The following GPR78 variants were observed in gnomAD, a reference collection of about 807,000 sequenced individuals.
The protein encoded by GPR78 is G protein-coupled receptor 78.
In GPR78, 29 loss-of-function variants were observed where a neutral mutation model predicts 17.9. That is an observed-to-expected ratio of 1.62 (90% CI 1.20 to 2.21). The LOEUF (loss-of-function observed/expected upper bound fraction) is 2.21. Among genes scored for constraint, GPR78 ranks in the 30% most tolerant of loss-of-function variants. The pLI, the probability that GPR78 is intolerant of heterozygous loss-of-function variation, is 0.00. For missense variants in GPR78, 649 were observed against 530.5 expected (o/e 1.22, Z -2.19); for synonymous variants, 349 against 256.9 (o/e 1.36, Z -3.43).
chr4:8,582,788 G>A (rs562973164), intron 2 of GPR78, 144 bp downstream of exon 2: 5 of 629,988 alleles, frequency 7.9e-6, no homozygotes, highest in Non-Finnish European at 1.4e-5. Flanking sequence ...CGGGCTCAGG[G>A]CTGTGCTTCA....
At position 8,581,279 on chromosome 4, in the gene GPR78, G is replaced by T; in HGVS notation, c.297G>T (p.Ala99=). ...LASNAALSVA[A]LSADQWLAVG... ...CCAACGCGGCGCTGAGCGTGGCGGC[G>T]CTGAGCGCAGACCAGTGGCTGGCAG... Residue 99 remains alanine, a synonymous_variant, in exon 1 of 3, where the codon GCG becomes GCT. Coordinates refer to ENST00000382487, the MANE Select transcript of GPR78 (RefSeq NM_080819.5). 4.4e-6 allele frequency: 7 copies of T among 1,588,362 alleles called. No individual in the cohort carries two copies. The highest frequency in any genetic ancestry group is 6.0e-6 in the Non-Finnish European group (7 of 1,173,118).
chr4:8,588,491 GGT>G lies in GPR78; in HGVS notation c.*1138_*1139del, dbSNP rs1256222895. Among the ~76,000 whole-genome samples the G allele has an allele frequency of 1.3e-5, 2 of 152,204 alleles. No homozygotes were observed. Among genetic ancestry groups the G allele is most frequent in the African/African-American group, 4.8e-5 (2 of 41,460 alleles). On this transcript the variant is annotated 3_prime_UTR_variant, in exon 3 of 3. Coordinates refer to ENST00000382487, the MANE Select transcript of GPR78 (RefSeq NM_080819.5). The stretch of plus-strand genomic sequence containing the variant: ...AGTGCACACGGGCACCCGGTGGAGA[GGT>G]GTGTGTGTGAATGAGTGAGCGAGTG...
rs9994665 is a variant in GPR78 at position 8,588,552 on chromosome 4, T to C, written c.*1189T>C. Among the ~76,000 whole-genome samples the C allele has an allele frequency of 0.068, 10,341 of 152,288 alleles. 694 individuals are homozygous for C. Among genetic ancestry groups the C allele is most frequent in the African/African-American group, 0.18 (7,300 of 41,538 alleles). On this transcript the variant is annotated 3_prime_UTR_variant, in exon 3 of 3. Coordinates refer to ENST00000382487, the MANE Select transcript of GPR78 (RefSeq NM_080819.5). ...GACACGATTCTCTCTTCAGCCTCTG[T>C]CATTGCTGTTTTCTTCAAGGCCCAG...
intron 2 of GPR78, among the ~76,000 whole-genome samples, chr4:8,585,315 C>G (rs1305068982): frequency 1.3e-5 from 2 of 152,186 alleles, no homozygotes; most frequent in Admixed American, 6.5e-5. Flanking sequence ...CAGACACAGC[C>G]TCAGCTGGGT....
Position 8,581,340 on chromosome 4 carries a change from C to A in GPR78, c.358C>A (p.Pro120Thr). 2 of 1,575,818 alleles carry A rather than the reference C, an allele frequency of 1.3e-6. No homozygotes were observed. Among genetic ancestry groups the A allele is most frequent in the Non-Finnish European group, 1.7e-6 (2 of 1,167,180 alleles). ...ACTGCGCTACGCCGGACGCCTGCGACCGCGCTATGCCGGCCTGCTGCTGGG... is the reference window on the plus strand; with the variant it reads ...ACTGCGCTACGCCGGACGCCTGCGAACGCGCTATGCCGGCCTGCTGCTGGG... ...FPLRYAGRLRPRYAGLLLGCA... is the reference protein window; with the variant it reads ...FPLRYAGRLRTRYAGLLLGCA... The change falls in exon 1 of 3, where the codon CCG becomes ACG. Residue 120 changes from proline to threonine, a missense_variant. Transcript: ENST00000382487.
rs998307061 is a variant in GPR78 at position 8,587,773 on chromosome 4, G to T, written c.*410G>T. The T allele has an allele frequency of 2.7e-5, 6 of 220,260 alleles. No homozygotes were observed. Among genetic ancestry groups the T allele is most frequent in the Admixed American group, 1.5e-4 (3 of 19,394 alleles). 13.6% of individuals were successfully genotyped at this position (220,260 alleles called of 1,614,324 possible). On this transcript the variant is annotated 3_prime_UTR_variant, in exon 3 of 3. Coordinates refer to ENST00000382487, the MANE Select transcript of GPR78 (RefSeq NM_080819.5). ...TGCTCAGGGTCTGTTGTGCAGCCCA[G>T]ATGGACACCTGTTTCTCCAACCTGG...
chr4:8,583,362 T>A (rs200006217), intron 2 of GPR78, among the ~76,000 whole-genome samples: 1 of 152,176 alleles, frequency 6.6e-6, no homozygotes, highest in Admixed American at 6.5e-5. Flanking sequence ...TGCTTGCTAT[T>A]ACGTTTTGCC....
At position 8,589,459 on chromosome 4, in the gene GPR78, G is replaced by C. The variant is rs531007528; in HGVS notation, c.*2096G>C. On this transcript the variant is annotated 3_prime_UTR_variant, in exon 3 of 3. Transcript: ENST00000382487. ...TGGTTCACAGAGGGCACGTGAACTC[G>C]AGACCGTGCTGCACCCCGGTGCCCC... is the stretch of plus-strand genomic sequence containing the variant. Among the ~76,000 whole-genome samples, 1 of 152,096 alleles carries C rather than the reference G, an allele frequency of 6.6e-6. No individual in the cohort carries two copies. The highest frequency in any genetic ancestry group is 6.5e-5 in the Admixed American group (1 of 15,276).
chr4:8,581,033 C>T lies in GPR78; in HGVS notation c.51C>T (p.Ala17=), dbSNP rs1196073376. 2 of 1,602,106 alleles carry T rather than the reference C, an allele frequency of 1.2e-6. No homozygotes were observed. The highest frequency in any genetic ancestry group is 3.4e-5 in the Admixed American group (2 of 59,298). Residue 17 remains alanine (A), a synonymous_variant, in exon 1 of 3, where the codon GCC becomes GCT. Transcript: ENST00000382487. ...LLAGLLVMVL[A]VALLSNALVL... is the part of the protein sequence containing the mutation. The stretch of plus-strand genomic sequence containing the variant: ...CGGGTCTCCTGGTGATGGTACTGGC[C>T]GTGGCGCTGCTATCCAACGCACTGG...
rs2109302616 is a variant in GPR78 at position 8,587,465 on chromosome 4, C to A, written c.*102C>A. ...ACTGGGGACCCCCAGACACCAGTGG[C>A]TTGACTTTGAGCTAAGGCTGAAGTA... On this transcript the variant is annotated 3_prime_UTR_variant, in exon 3 of 3. Transcript: ENST00000382487. 1 of 1,187,932 alleles carries A rather than the reference C, an allele frequency of 8.4e-7. No homozygotes were observed. Among genetic ancestry groups the A allele is most frequent in the South Asian group, 1.5e-5 (1 of 67,236 alleles). 73.6% of individuals were successfully genotyped at this position (1,187,932 alleles called of 1,614,324 possible).
At position 8,580,773 on chromosome 4, in the gene GPR78, T is replaced by C. The variant is rs1245909639; in HGVS notation, c.-210T>C. Reference sequence around the variant, plus strand: ...CTCCAGGGCGGCCCCGGGCTGCTCCTGCTCCGCAGAGCTACGCCCTCCCCC... The same window carrying C: ...CTCCAGGGCGGCCCCGGGCTGCTCCCGCTCCGCAGAGCTACGCCCTCCCCC... On this transcript the variant is annotated 5_prime_UTR_variant, in exon 1 of 3. Transcript: ENST00000382487. 1 of 586,978 alleles carries C rather than the reference T, an allele frequency of 1.7e-6. No homozygotes were observed. Among genetic ancestry groups the C allele is most frequent in the Non-Finnish European group, 2.9e-6 (1 of 340,460 alleles). The allele number at this position is 586,978 out of a possible 1,614,324, so 36.4% of individuals were successfully genotyped here.
At chr4:8,585,066 C>G (rs1018183426) in intron 2 of GPR78, among the ~76,000 whole-genome samples, 2 of 152,180 alleles carry the variant, frequency 1.3e-5, no homozygotes, top group African/African-American at 2.4e-5. Flanking sequence ...GGTTGTCACT[C>G]TTGAGTTTTA....
At chr4:8,586,593 G>T (rs1158429395) in intron 2 of GPR78, among the ~76,000 whole-genome samples, 1 of 152,248 alleles carries the variant, frequency 6.6e-6, no homozygotes. Flanking sequence ...CATTGTCCAG[G>T]TTTGGGAGAT....
rs942548392 is a variant in GPR78 at position 8,588,028 on chromosome 4, C to T, written c.*665C>T. ...TGGGCACGCAGATGGAGCCTGTCTC[C>T]TGCCTTCCTTTCCATGGTTTGCCAG... On this transcript the variant is annotated 3_prime_UTR_variant, in exon 3 of 3. Coordinates refer to ENST00000382487, the MANE Select transcript of GPR78 (RefSeq NM_080819.5). 6.6e-6 allele frequency among the ~76,000 whole-genome samples: 1 copy of T among 152,240 alleles called. No individual in the cohort carries two copies. The highest frequency in any genetic ancestry group is 2.4e-5 in the African/African-American group (1 of 41,466).
At chr4:8,583,032 G>A (rs750249509) in intron 2 of GPR78, 6 of 179,722 alleles carry the variant, frequency 3.3e-5, no homozygotes, top group Admixed American at 1.8e-4. Context: ...CTGGAGCCTC[G>A]GGGCAGTAAC....
At chr4:8,581,741 G>C in intron 1 of GPR78, 91 bp downstream of exon 1, 1 of 963,934 alleles carries the variant, frequency 1.0e-6, no homozygotes, top group Non-Finnish European at 1.5e-6. Context: ...CATCACCACC[G>C]TTACTCCGCC....
At chr4:8,586,990 G>C in intron 2 of GPR78, 64 bp from the exon 3 acceptor site, 4 of 1,403,948 alleles carry the variant, frequency 2.8e-6, no homozygotes, top group East Asian at 4.6e-5. Flanking sequence ...ACCTTCCCCC[G>C]GAGCGTGAGT....
chr4:8,581,146 T>C lies in GPR78; in HGVS notation c.164T>C (p.Leu55Pro). ...LVNLSLGHLL[L>P]AALDMPFTLL... is the part of the protein sequence containing the mutation. The stretch of plus-strand genomic sequence containing the variant: ...AATCTGTCTCTGGGCCACCTGCTGC[T>C]GGCGGCGCTGGACATGCCCTTCACG... Residue 55 changes from leucine (L) to proline (P), a missense_variant, in exon 1 of 3, where the codon CTG becomes CCG. Transcript: ENST00000382487. 1 of 1,604,542 alleles carries C rather than the reference T, an allele frequency of 6.2e-7. No homozygotes were observed.
At chr4:8,582,438 C>T (rs890994644) in intron 1 of GPR78, 93 bp from the exon 2 acceptor site, 36 of 795,406 alleles carry the variant, frequency 4.5e-5, no homozygotes, top group South Asian at 4.0e-4. Context: ...TCCTGAAACC[C>T]TCCTGTCTGC....
Sources: allele counts gnomAD v4.1 joint callset (sites outside exome capture counted in the v4.1 genomes callset), GRCh38; gene constraint gnomAD v4.1.1; transcripts MANE v1.5; gene names NCBI Gene and HGNC (gene_info 2026-07-23, HGNC 2026-07-21).